FAM227B: variants seen among roughly 807,000 people sequenced by gnomAD.
FAM227B encodes protein FAM227B.
FAM227B carries 88 observed loss-of-function variants against 73.8 expected under a neutral mutation model. The observed-to-expected ratio is 1.19, with a 90% confidence interval of 1.00 to 1.42. The LOEUF is 1.42. FAM227B is among the 40% of genes most tolerant of loss of function. FAM227B has a pLI of 0.00. For synonymous variants in FAM227B, 210 were observed against 190.5 expected, an observed-to-expected ratio of 1.10 and a Z score of -0.84; for missense variants, 632 against 590.9, an observed-to-expected ratio of 1.07 and a Z score of -0.72.
At chr15:49,606,756 C>G (rs1009034632) in intron 3 of FAM227B, among the ~76,000 whole-genome samples, 6 of 152,162 alleles carry the variant, frequency 3.9e-5, no homozygotes, top group Non-Finnish European at 8.8e-5. Context: ...ATGTGGAAGC[C>G]TGCCTTGTTT....
At chr15:49,524,458 C>T (rs1255047523) in intron 10 of FAM227B, among the ~76,000 whole-genome samples, 13 of 152,170 alleles carry the variant, frequency 8.5e-5, no homozygotes, top group Admixed American at 3.3e-4. Context: ...GGAAATGCCT[C>T]GATACCCAGG....
chr15:49,504,804 T>TA (rs2058453329), intron 11 of FAM227B, among the ~76,000 whole-genome samples: 1 of 152,174 alleles, frequency 6.6e-6, no homozygotes, highest in Non-Finnish European at 1.5e-5. Context: ...TCTTTTTTCC[T>TA]AAATTACCCA....
intron 11 of FAM227B, among the ~76,000 whole-genome samples, chr15:49,498,808 A>G (rs934912069): frequency 1.3e-5 from 2 of 152,192 alleles, no homozygotes; most frequent in South Asian, 4.1e-4. Flanking sequence ...CAAAAAGAGC[A>G]AGGGTTGCTA....
At chr15:49,465,104 A>T (rs2054143662) in intron 11 of FAM227B, among the ~76,000 whole-genome samples, 1 of 152,038 alleles carries the variant, frequency 6.6e-6, no homozygotes, top group African/African-American at 2.4e-5. Context: ...ATGAAATATT[A>T]GAAGTAGAAT....
At chr15:49,577,705 A>G in intron 5 of FAM227B, 41 bp from the exon 6 acceptor site, 3 of 1,293,050 alleles carry the variant, frequency 2.3e-6, no homozygotes, top group Non-Finnish European at 3.3e-6. Context: ...ACTCTAAATT[A>G]AAGAAATTTT....
rs1268505652 is a variant in FAM227B, at chr15:49,487,590, G to A, written c.1012+20621C>T. The A allele has an allele frequency of 4.6e-5, 7 of 151,798 alleles. No homozygotes were observed. The East Asian group carries it at 1.4e-3, about 29-fold the overall frequency. 9.4% of individuals were successfully genotyped at this position (151,798 alleles called of 1,614,324 possible). On this transcript the variant is annotated intron_variant, in intron 11 of 15. Coordinates refer to ENST00000299338, the MANE Select transcript of FAM227B (RefSeq NM_152647.3). ...AGACTGCCAAAGAACATAAAGATGT[G>A]CGAGGGGACCTAGCTGTAGTAAAAG...
At chr15:49,333,060 G>A (rs2039079209) in intron 14 of FAM227B, among the ~76,000 whole-genome samples, 1 of 152,030 alleles carries the variant, frequency 6.6e-6, no homozygotes, top group East Asian at 1.9e-4. Flanking sequence ...GAACTGCACA[G>A]TATCCTTAGA....
rs185001044 is a variant in FAM227B, at chr15:49,574,139, C to T, written c.645+872G>A. On this transcript the variant is annotated intron_variant, in intron 8 of 15. Transcript: ENST00000299338. ...TGTTGCTGTTTAGAGGGGAATGATG[C>T]ACTTTCCAGGTATTTGTCTTTTTTG... Among the ~76,000 whole-genome samples the T allele has an allele frequency of 8.2e-4, 125 of 152,142 alleles. 3 individuals carry two copies. In the South Asian group the frequency reaches 0.012, roughly 14 times the overall value.
chr15:49,568,159 C>T (rs1200737152), intron 9 of FAM227B, 86 bp downstream of exon 9: 1 of 1,176,526 alleles, frequency 8.5e-7, no homozygotes, highest in East Asian at 2.6e-5. Context: ...AAAATATATT[C>T]TCATATGGGT....
At chr15:49,600,969 G>C (rs550329800) in intron 3 of FAM227B, among the ~76,000 whole-genome samples, 229 of 149,678 alleles carry the variant, frequency 1.5e-3, no homozygotes, top group African/African-American at 5.4e-3. Flanking sequence ...TTGAATCTAG[G>C]AGGCAGAGGT....
At chr15:49,390,232 G>GAAGTC (rs2047128917) in intron 11 of FAM227B, among the ~76,000 whole-genome samples, 1 of 151,964 alleles carries the variant, frequency 6.6e-6, no homozygotes, top group Non-Finnish European at 1.5e-5. Flanking sequence ...TAAATGAGAT[G>GAAGTC]AAGTCTCCTT....
chr15:49,527,070 T>C (rs2060259387), intron 10 of FAM227B, among the ~76,000 whole-genome samples: 2 of 151,568 alleles, frequency 1.3e-5, no homozygotes, highest in Non-Finnish European at 3.0e-5. Flanking sequence ...CAAAATCAGG[T>C]AAGGACACCA....
rs111561566 is a variant in FAM227B, at chr15:49,527,539, A to T, written c.874+14141T>A. 4.7e-3 allele frequency among the ~76,000 whole-genome samples: 714 copies of T among 152,002 alleles called. 8 individuals are homozygous for T. The highest frequency in any genetic ancestry group is 0.016 in the African/African-American group (676 of 41,530). ...TCAGGCAAGCGAGAAATAATAGAAG[A>T]CACCCAAATTGGAAAAAAGGTCAAA... On this transcript the variant is annotated intron_variant, in intron 10 of 15. Transcript: ENST00000299338.
At chr15:49,530,608 C>A (rs2060536450) in intron 10 of FAM227B, among the ~76,000 whole-genome samples, 1 of 151,626 alleles carries the variant, frequency 6.6e-6, no homozygotes, top group Admixed American at 6.6e-5. Flanking sequence ...AATAGAACTA[C>A]AATGAAAGGC....
chr15:49,504,789 G>T (rs751011689), intron 11 of FAM227B, among the ~76,000 whole-genome samples: 1 of 151,978 alleles, frequency 6.6e-6, no homozygotes, highest in Non-Finnish European at 1.5e-5. Flanking sequence ...TGAGCCAATT[G>T]AGCCTCTTTT....
intron 3 of FAM227B, among the ~76,000 whole-genome samples, chr15:49,604,135 C>T (rs536433585): frequency 6.6e-6 from 1 of 152,258 alleles, no homozygotes; most frequent in Non-Finnish European, 1.5e-5. Context: ...TACACTATTA[C>T]AGTATTCTGA....
At chr15:49,613,882 A>G (rs1355894296) in intron 2 of FAM227B, among the ~76,000 whole-genome samples, 3 of 152,226 alleles carry the variant, frequency 2.0e-5, no homozygotes, top group Non-Finnish European at 4.4e-5. Flanking sequence ...AGCTAGTCAA[A>G]TTGAAAAGAA....
At chr15:49,512,727 T>G (rs2059099322) in intron 10 of FAM227B, among the ~76,000 whole-genome samples, 2 of 152,052 alleles carry the variant, frequency 1.3e-5, no homozygotes, top group South Asian at 4.1e-4. Context: ...CTATTTGTCC[T>G]GATACTCTGC....
At chr15:49,607,120 T>G (rs2153321770) in intron 3 of FAM227B, among the ~76,000 whole-genome samples, 1 of 152,264 alleles carries the variant, frequency 6.6e-6, no homozygotes, top group South Asian at 2.1e-4. Flanking sequence ...CCATCTCCTT[T>G]TTTCTTCCTT....
Sources: allele counts gnomAD v4.1 joint callset (sites outside exome capture counted in the v4.1 genomes callset), GRCh38; gene constraint gnomAD v4.1.1; transcripts MANE v1.5; gene names NCBI Gene and HGNC (gene_info 2026-07-23, HGNC 2026-07-21).